Variants in GOT1 observed in about 807,000 individuals in gnomAD.
GOT1 encodes glutamic-oxaloacetic transaminase 1.
A neutral mutation model predicts 48.2 loss-of-function variants in GOT1; 25 were observed. The observed-to-expected ratio is 0.52, with a 90% CI of 0.38 to 0.72. GOT1 has a LOEUF of 0.72. Among genes scored for constraint, GOT1 ranks in the 30% least tolerant of loss-of-function variants. The pLI, the probability that GOT1 is intolerant of heterozygous loss-of-function variation, is 0.00. For missense variants in GOT1, 380 were observed against 520.1 expected (o/e 0.73, Z 2.62); for synonymous variants, 188 against 193.8 (o/e 0.97, Z 0.25).
chr10:99,412,771 C>T (rs2032844021), intron 2 of GOT1, among the ~76,000 whole-genome samples: 1 of 152,166 alleles, frequency 6.6e-6, no homozygotes, highest in Non-Finnish European at 1.5e-5. Context: ...GATCAGGCAG[C>T]AACATTTGCT....
At chr10:99,399,099 C>A (rs1414080778) in intron 8 of GOT1, among the ~76,000 whole-genome samples, 1 of 152,186 alleles carries the variant, frequency 6.6e-6, no homozygotes, top group East Asian at 1.9e-4. Context: ...GGCCTACATA[C>A]AGAAGTAGCC....
chr10:99,400,706 C>A (rs923217859), intron 8 of GOT1, among the ~76,000 whole-genome samples: 5 of 152,160 alleles, frequency 3.3e-5, no homozygotes, highest in Non-Finnish European at 5.9e-5. Flanking sequence ...TGTGGGAGGC[C>A]AAGGCAGGTA....
intron 7 of GOT1, 70 bp from the exon 8 acceptor site, chr10:99,402,792 A>G: frequency 7.5e-7 from 1 of 1,338,608 alleles, no homozygotes; most frequent in Non-Finnish European, 1.1e-6. Context: ...ACACAGGTTT[A>G]AAAACTCTAA....
Position 99,397,758 on chromosome 10 carries a change from A to G in GOT1, c.1103-72T>C. On this transcript the variant is annotated intron_variant, in intron 8 of 8. Coordinates refer to ENST00000370508, the MANE Select transcript of GOT1 (RefSeq NM_002079.3). The surrounding 1 kb of genome is among the most constrained non-coding windows in gnomAD (Gnocchi z 5.4). ...AAAGCAGTGGAGGCTCAGCAATTAT[A>G]TGACAATTACAGCTTTACTTCTTTC... The G allele has an allele frequency of 7.1e-7, 1 of 1,414,714 alleles. No homozygotes were observed. Among genetic ancestry groups the G allele is most frequent in the Non-Finnish European group, 1.0e-6 (1 of 1,004,102 alleles). The allele number at this position is 1,414,714 out of a possible 1,614,324, so 87.6% of individuals were successfully genotyped here.
At chr10:99,414,495 A>T (rs1055523614) in intron 2 of GOT1, among the ~76,000 whole-genome samples, 5 of 152,212 alleles carry the variant, frequency 3.3e-5, no homozygotes, top group African/African-American at 1.2e-4. Flanking sequence ...ATAATAGGAG[A>T]CTTTAACACC....
Position 99,420,755 on chromosome 10 carries a change from C to A in GOT1, c.169G>T (p.Val57Leu). The change falls in exon 2 of 9, where the codon GTG (valine) becomes TTG (leucine). Residue 57 changes from valine to leucine, a missense_variant. Physicochemically the swap from Val to Leu is conservative, Grantham distance 32. Coordinates refer to ENST00000370508, the MANE Select transcript of GOT1 (RefSeq NM_002079.3). ...TTGTCATTAGCAATCTTCTGCTCCA[C>A]TTTCTTCACTACTGGCAAAACCCAG... Reference protein sequence around the residue: ...HPWVLPVVKKVEQKIANDNSL... With the variant: ...HPWVLPVVKKLEQKIANDNSL... 1.2e-6 allele frequency: 2 copies of A among 1,614,096 alleles called. No individual in the cohort carries two copies. Among genetic ancestry groups the A allele is most frequent in the East Asian group, 2.2e-5 (1 of 44,880 alleles).
At chr10:99,421,635 A>G (rs2032968780) in intron 1 of GOT1, among the ~76,000 whole-genome samples, 1 of 152,036 alleles carries the variant, frequency 6.6e-6, no homozygotes, top group Admixed American at 6.6e-5. Flanking sequence ...TTTTCCCTAC[A>G]CTATTCTATG....
chr10:99,429,119 G>A (rs1297702891), intron 1 of GOT1, among the ~76,000 whole-genome samples: 2 of 151,158 alleles, frequency 1.3e-5, no homozygotes, highest in Middle Eastern at 3.2e-3. Context: ...GCACGATCTC[G>A]GCTCACTGCA....
Position 99,403,455 on chromosome 10 carries a change from T to G in GOT1, c.959+14A>C, listed in dbSNP as rs778874910. On this transcript the variant is annotated intron_variant, in intron 7 of 8. Coordinates refer to ENST00000370508, the MANE Select transcript of GOT1 (RefSeq NM_002079.3). ...CTCCCCACCCCCCGGCCCACCAGAC[T>G]GGGAGCCCCTTACCATTCCTCAAAG... is the stretch of plus-strand genomic sequence containing the variant. 6.9e-6 allele frequency: 11 copies of G among 1,603,468 alleles called. No homozygotes were observed. The highest frequency in any genetic ancestry group is 8.5e-6 in the Non-Finnish European group (10 of 1,172,150).
rs1311958592 is a variant in GOT1 at position 99,397,791 on chromosome 10, CAGAG to C, written c.1103-109_1103-106del. 3.7e-5 allele frequency: 40 copies of C among 1,082,612 alleles called. No individual in the cohort carries two copies. The highest frequency in any genetic ancestry group is 5.4e-5 in the Non-Finnish European group (40 of 741,164). The allele number at this position is 1,082,612 out of a possible 1,614,324, so 67.1% of individuals were successfully genotyped here. A position where few individuals can be genotyped will look rare whatever the true frequency, so the allele number is the denominator to read the frequency against. ...TACAGCTTTACTTCTTTCCCCTTAA[CAGAG>C]AGAAGCAAAACAAAAGGCGCTATTT... On this transcript the variant is annotated intron_variant, in intron 8 of 8. Transcript: ENST00000370508. The surrounding 1 kb of genome is among the most constrained non-coding windows in gnomAD (Gnocchi z 5.4).
At position 99,403,850 on chromosome 10, in the gene GOT1, C is replaced by T. The variant is rs1255748144; in HGVS notation, c.667G>A (p.Asp223Asn). 6.2e-7 allele frequency: 1 copy of T among 1,613,866 alleles called. No individual in the cohort carries two copies. Among genetic ancestry groups the T allele is most frequent in the East Asian group, 2.2e-5 (1 of 44,866 alleles). ...MKHRFLFPFF[D>N]SAYQGFASGN... ...GATGCGAAGCCCTGATAGGCTGAGTCAAAGAAGGGGAACAGAAACCGGTGC... is the reference window on the plus strand; with the variant it reads ...GATGCGAAGCCCTGATAGGCTGAGTTAAAGAAGGGGAACAGAAACCGGTGC... Residue 223 changes from aspartate (D) to asparagine (N), a missense_variant, in exon 6 of 9, where the codon GAC (aspartate) becomes AAC (asparagine). Physicochemically the swap from Asp to Asn is conservative, Grantham distance 23. Coordinates refer to ENST00000370508, the MANE Select transcript of GOT1 (RefSeq NM_002079.3).
chr10:99,397,077 C>CA lies in GOT1; in HGVS notation c.*469dup, dbSNP rs1331775482. 6.1e-6 allele frequency: 1 copy of CA among 162,894 alleles called. No homozygotes were observed. The highest frequency in any genetic ancestry group is 1.4e-5 in the Non-Finnish European group (1 of 73,606). 10.1% of individuals were successfully genotyped at this position (162,894 alleles called of 1,614,324 possible). A position where few individuals can be genotyped will look rare whatever the true frequency, so the allele number is the denominator to read the frequency against. ...AAGAACCAAAGCTTAGGACTAGGGA[C>CA]ACAACCATGCAGAAAGAGCAGGGAG... On this transcript the variant is annotated 3_prime_UTR_variant, in exon 9 of 9. Transcript: ENST00000370508. The surrounding 1 kb of genome is among the most constrained non-coding windows in gnomAD (Gnocchi z 5.4).
At chr10:99,402,541 A>C in intron 8 of GOT1, 39 bp downstream of exon 8, 1 of 1,609,462 alleles carries the variant, frequency 6.2e-7, no homozygotes. Flanking sequence ...TTGTGTGTCT[A>C]CATGCACGCA....
chr10:99,409,295 G>A lies in GOT1; in HGVS notation c.301-2446C>T, dbSNP rs571116607. Among the ~76,000 whole-genome samples, 10 of 152,068 alleles carry A rather than the reference G, an allele frequency of 6.6e-5. No homozygotes were observed. In the South Asian group the frequency reaches 1.9e-3, roughly 28 times the overall value. ...CTACAGGCACGTACCACCACACCCA[G>A]CTAATTTTTGTGTTTTTAGTACAGA... On this transcript the variant is annotated intron_variant, in intron 2 of 8. Transcript: ENST00000370508.
At chr10:99,401,112 A>G (rs565804011) in intron 8 of GOT1, among the ~76,000 whole-genome samples, 5 of 152,346 alleles carry the variant, frequency 3.3e-5, no homozygotes, top group Admixed American at 3.3e-4. Flanking sequence ...ATGGGAAGAT[A>G]TGGATATTTT....
Position 99,402,574 on chromosome 10 carries a change from A to G in GOT1, c.1102+6T>C, listed in dbSNP as rs780013009. 6.2e-7 allele frequency: 1 copy of G among 1,614,154 alleles called. No individual in the cohort carries two copies. The highest frequency in any genetic ancestry group is 8.5e-7 in the Non-Finnish European group (1 of 1,180,018). ...GCATGGGCTGGAGGTGGTGGGGGCCACTTACGGTTCAACCCAGTGAAGCTG... is the reference window on the plus strand; with the variant it reads ...GCATGGGCTGGAGGTGGTGGGGGCCGCTTACGGTTCAACCCAGTGAAGCTG... On this transcript the variant is annotated splice_donor_region_variant and intron_variant, in intron 8 of 8. Coordinates refer to ENST00000370508, the MANE Select transcript of GOT1 (RefSeq NM_002079.3).
rs79549645 is a variant in GOT1 at position 99,427,021 on chromosome 10, A to C, written c.118+3427T>G. Among the ~76,000 whole-genome samples the C allele has an allele frequency of 3.9e-3, 595 of 152,348 alleles. 2 individuals are homozygous for C. Among genetic ancestry groups the C allele is most frequent in the African/African-American group, 0.014 (565 of 41,584 alleles). ...TATAACGGCTGGAAGGAGACCTTTT[A>C]TTCTACTCTAATTAGATCCTTATCC... On this transcript the variant is annotated intron_variant, in intron 1 of 8. Transcript: ENST00000370508.
At position 99,397,479 on chromosome 10, in the gene GOT1, G is replaced by A. The variant is rs11190082; in HGVS notation, c.*68C>T. 2 of 1,504,884 alleles carry A rather than the reference G, an allele frequency of 1.3e-6. No individual in the cohort carries two copies. The highest frequency in any genetic ancestry group is 1.4e-5 in the African/African-American group (1 of 72,756). 93.2% of individuals were successfully genotyped at this position (1,504,884 alleles called of 1,614,324 possible). A position where few individuals can be genotyped will look rare whatever the true frequency, so the allele number is the denominator to read the frequency against. ...CTCTAATCCATGGTATGTACATGTA[G>A]GTTTGTGCAGGCAGGGAACACACAT... On this transcript the variant is annotated 3_prime_UTR_variant, in exon 9 of 9. Coordinates refer to ENST00000370508, the MANE Select transcript of GOT1 (RefSeq NM_002079.3). This position sits in a 1 kb window ranked among gnomAD's most constrained non-coding sequence, Gnocchi z 5.4.
In GOT1 at chr10:99,397,464, T is replaced by C; in HGVS notation, c.*83A>G. The C allele has an allele frequency of 2.1e-6, 3 of 1,399,306 alleles. No homozygotes were observed. The highest frequency in any genetic ancestry group is 2.3e-5 in the East Asian group (1 of 43,698). The allele number at this position is 1,399,306 out of a possible 1,614,324, so 86.7% of individuals were successfully genotyped here. On this transcript the variant is annotated 3_prime_UTR_variant, in exon 9 of 9. Transcript: ENST00000370508. The surrounding 1 kb of genome is among the most constrained non-coding windows in gnomAD (Gnocchi z 5.4). ...CAGTCCTGCAAGTGTCTCTAATCCA[T>C]GGTATGTACATGTAGGTTTGTGCAG...
Sources: allele counts gnomAD v4.1 joint callset (sites outside exome capture counted in the v4.1 genomes callset), GRCh38; gene constraint gnomAD v4.1.1; non-coding constraint Gnocchi (gnomAD v3.1); transcripts MANE v1.5; gene names NCBI Gene and HGNC (gene_info 2026-07-23, HGNC 2026-07-21).